Variants in CEP128 observed in about 807,000 individuals in gnomAD.
The protein encoded by CEP128 is centrosomal protein 128.
A neutral mutation model predicts 156.7 loss-of-function variants in CEP128; 132 were observed. That is an observed-to-expected ratio of 0.84 (90% CI 0.73 to 0.97). The LOEUF is 0.97. Ranked by LOEUF, CEP128 falls within the 50% of genes least tolerant of loss-of-function variation. The pLI is 0.00. For synonymous variants in CEP128, 469 were observed against 448.9 expected (o/e 1.04, Z -0.57); for missense variants, 1,252 against 1,281.9 (o/e 0.98, Z 0.36).
chr14:80,717,171 GTGCA>G (rs1219629216), intron 19 of CEP128, among the ~76,000 whole-genome samples: 2 of 152,296 alleles, frequency 1.3e-5, no homozygotes, highest in East Asian at 3.9e-4. Flanking sequence ...AGGTATGGTA[GTGCA>G]CACAAGTTGT....
chr14:80,607,557 T>C (rs1178837360), intron 19 of CEP128, among the ~76,000 whole-genome samples: 2 of 152,148 alleles, frequency 1.3e-5, no homozygotes, highest in Non-Finnish European at 2.9e-5. Context: ...CTTCACCAAA[T>C]TCTACATGGA....
chr14:80,744,172 G>A (rs1898980174), intron 18 of CEP128, among the ~76,000 whole-genome samples: 1 of 151,906 alleles, frequency 6.6e-6, no homozygotes, highest in Admixed American at 6.6e-5. Context: ...ACCACACCCA[G>A]CCCTCACCTA....
intron 11 of CEP128, 28 bp downstream of exon 11, chr14:80,838,176 T>C (rs752734415): frequency 1.1e-5 from 16 of 1,485,504 alleles, no homozygotes; most frequent in Non-Finnish European, 1.5e-5. Flanking sequence ...AATGTAAAAG[T>C]ATATTATAAT....
chr14:80,567,614 G>T (rs566141983), intron 20 of CEP128, among the ~76,000 whole-genome samples: 1 of 152,066 alleles, frequency 6.6e-6, no homozygotes, highest in Non-Finnish European at 1.5e-5. Flanking sequence ...ACGTAATGTG[G>T]TACATAGGTG....
chr14:80,742,935 T>A (rs1160557479), intron 19 of CEP128, 140 bp downstream of exon 19: 5 of 700,684 alleles, frequency 7.1e-6, no homozygotes, highest in African/African-American at 1.8e-5. Context: ...TGAAGAAAGA[T>A]AAGAAGACAA....
intron 23 of CEP128, among the ~76,000 whole-genome samples, chr14:80,515,962 G>A (rs1232953726): frequency 3.3e-5 from 5 of 152,088 alleles, no homozygotes; most frequent in East Asian, 3.9e-4. Flanking sequence ...ACCACCTCCC[G>A]GGTTCAAGCA....
chr14:80,683,439 C>A (rs1896402522), intron 19 of CEP128, among the ~76,000 whole-genome samples: 3 of 152,128 alleles, frequency 2.0e-5, no homozygotes, highest in Admixed American at 6.5e-5. Flanking sequence ...TATATATACA[C>A]ACCACCCAAC....
intron 14 of CEP128, among the ~76,000 whole-genome samples, chr14:80,787,260 T>C (rs958391329): frequency 2.6e-5 from 4 of 152,172 alleles, no homozygotes; most frequent in Admixed American, 1.3e-4. Flanking sequence ...CATTCAGGTT[T>C]CTGATACAAC....
intron 6 of CEP128, among the ~76,000 whole-genome samples, chr14:80,904,341 GA>G (rs1280121677): frequency 6.6e-6 from 1 of 152,050 alleles, no homozygotes; most frequent in East Asian, 1.9e-4. Context: ...GTGGCGGGGA[GA>G]GGGGGTGAAG....
chr14:80,634,954 G>A (rs558740674), intron 19 of CEP128, among the ~76,000 whole-genome samples: 25 of 152,226 alleles, frequency 1.6e-4, no homozygotes, highest in East Asian at 7.7e-4. Flanking sequence ...ATCAGTGTGC[G>A]TTCACCATAA....
At chr14:80,645,385 A>C (rs145534470) in intron 19 of CEP128, among the ~76,000 whole-genome samples, 1 of 152,290 alleles carries the variant, frequency 6.6e-6, no homozygotes, top group East Asian at 1.9e-4. Flanking sequence ...TTCTAATAGG[A>C]GAAATCAGAC....
At chr14:80,499,315 G>A (rs547782152) in intron 24 of CEP128, among the ~76,000 whole-genome samples, 155 of 152,232 alleles carry the variant, frequency 1.0e-3, no homozygotes, top group African/African-American at 3.6e-3. Context: ...TTCACCCCAC[G>A]GACTTAAACT....
At chr14:80,901,168 T>C (rs924686479) in intron 6 of CEP128, among the ~76,000 whole-genome samples, 1 of 151,234 alleles carries the variant, frequency 6.6e-6, no homozygotes, top group Non-Finnish European at 1.5e-5. Flanking sequence ...ATCGCGCCAC[T>C]GCACTCCAGC....
intron 19 of CEP128, among the ~76,000 whole-genome samples, chr14:80,652,709 G>A (rs572338538): frequency 6.6e-6 from 1 of 152,254 alleles, no homozygotes; most frequent in South Asian, 2.1e-4. Context: ...GAGAGGATGT[G>A]GAGAAATAGA....
chr14:80,605,102 G>A (rs548992969), intron 19 of CEP128, among the ~76,000 whole-genome samples: 1 of 152,114 alleles, frequency 6.6e-6, no homozygotes, highest in East Asian at 1.9e-4. Context: ...TTCAAAGATG[G>A]AAACTTAATC....
chr14:80,747,338 T>C (rs1035230743), intron 18 of CEP128, among the ~76,000 whole-genome samples: 1 of 152,142 alleles, frequency 6.6e-6, no homozygotes, highest in African/African-American at 2.4e-5. Flanking sequence ...AATCCAAATT[T>C]CCGTCAAATG....
At chr14:80,505,229 A>G (rs1594922135) in intron 23 of CEP128, among the ~76,000 whole-genome samples, 2 of 152,248 alleles carry the variant, frequency 1.3e-5, no homozygotes, top group East Asian at 1.9e-4. Flanking sequence ...CTATAGCAAC[A>G]TGACATATTT....
intron 19 of CEP128, among the ~76,000 whole-genome samples, chr14:80,699,974 G>A (rs1435920234): frequency 6.6e-6 from 1 of 152,140 alleles, no homozygotes; most frequent in Admixed American, 6.6e-5. Context: ...GGGACCAGTA[G>A]TACTACAGGG....
intron 21 of CEP128, among the ~76,000 whole-genome samples, chr14:80,541,093 G>GC (rs1343966516): frequency 6.6e-6 from 1 of 152,144 alleles, no homozygotes; most frequent in Non-Finnish European, 1.5e-5. Context: ...CAAGGTTATA[G>GC]CTCAGCTTTG....
Sources: gnomAD v4.1 joint callset for allele counts (sites outside exome capture counted in the v4.1 genomes callset) on GRCh38, gnomAD v4.1.1 for gene constraint, MANE v1.5 for transcripts, NCBI Gene and HGNC (gene_info 2026-07-23, HGNC 2026-07-21) for gene names.